Variants in TAF3 observed in about 807,000 individuals in gnomAD.
TAF3 encodes transcription initiation factor TFIID subunit 3.
Under a neutral mutation model 80.6 loss-of-function variants are expected in TAF3, and 7 were observed. The observed-to-expected ratio is 0.09, with a 90% CI of 0.05 to 0.16. The LOEUF (loss-of-function observed/expected upper bound fraction) is 0.16, where lower values mean the gene tolerates loss of function less well. Among genes scored for constraint, TAF3 ranks in the 10% least tolerant of loss-of-function variants. The pLI is 1.00. For synonymous variants in TAF3, 444 were observed against 446.1 expected (o/e 1.00, Z 0.06); for missense variants, 921 against 1,140.2 (o/e 0.81, Z 2.77).
intron 2 of TAF3, among the ~76,000 whole-genome samples, chr10:7,894,728 A>G (rs1007641867): frequency 5.9e-5 from 9 of 152,226 alleles, no homozygotes; most frequent in African/African-American, 1.9e-4. Context: ...AACTAATGGA[A>G]CTATTTTAGT....
chr10:7,911,067 C>T (rs1837652961), intron 2 of TAF3, among the ~76,000 whole-genome samples: 1 of 152,128 alleles, frequency 6.6e-6, no homozygotes, highest in African/African-American at 2.4e-5. Context: ...GGTATTTTGA[C>T]TTTAATTATA....
chr10:7,925,984 C>G (rs1324871981), intron 2 of TAF3, among the ~76,000 whole-genome samples: 1 of 152,078 alleles, frequency 6.6e-6, no homozygotes, highest in Non-Finnish European at 1.5e-5. Context: ...GAGGCCAAGG[C>G]CAAGGTGGGA....
chr10:7,826,456 T>G (rs543073612), intron 2 of TAF3, among the ~76,000 whole-genome samples: 2 of 145,134 alleles, frequency 1.4e-5, no homozygotes, highest in South Asian at 2.3e-4. Flanking sequence ...TTTGTTTTGT[T>G]TTGTGTTGTT....
Position 7,891,487 on chromosome 10 carries a change from T to C in TAF3, c.409+66927T>C, listed in dbSNP as rs1009904350. On this transcript the variant is annotated intron_variant, in intron 2 of 6. Transcript: ENST00000344293. ...TGGTCCAAACTAAGCAATAAATGTA[T>C]TGAAAGGCATGGTTAAGTCCTATGG... is the stretch of plus-strand genomic sequence containing the variant. 2.1e-4 allele frequency among the ~76,000 whole-genome samples: 32 copies of C among 152,246 alleles called. 1 individual carries two copies. Among genetic ancestry groups the C allele is most frequent in the Admixed American group, 2.0e-3 (30 of 15,282 alleles).
chr10:7,956,070 T>C (rs1290582077), intron 2 of TAF3, among the ~76,000 whole-genome samples: 2 of 152,200 alleles, frequency 1.3e-5, no homozygotes, highest in Admixed American at 1.3e-4. Context: ...TATAATTAGG[T>C]AATTATATTA....
intron 2 of TAF3, among the ~76,000 whole-genome samples, chr10:7,938,104 A>G (rs768325024): frequency 1.3e-5 from 2 of 152,240 alleles, no homozygotes; most frequent in African/African-American, 2.4e-5. Flanking sequence ...TTTCAACAAA[A>G]TAAAACTTAG....
At chr10:7,992,794 G>C (rs887820602) in intron 4 of TAF3, among the ~76,000 whole-genome samples, 1 of 152,072 alleles carries the variant, frequency 6.6e-6, no homozygotes, top group African/African-American at 2.4e-5. Context: ...AAACATAAAA[G>C]AGTAAAATGA....
At chr10:7,953,819 T>C (rs111491692) in intron 2 of TAF3, among the ~76,000 whole-genome samples, 1,668 of 152,248 alleles carry the variant, frequency 0.011, 20 homozygotes, top group Middle Eastern at 0.031. Flanking sequence ...GAGCTCTCCA[T>C]AGTGAGACTC....
At chr10:7,899,689 A>T (rs544735271) in intron 2 of TAF3, among the ~76,000 whole-genome samples, 2 of 152,356 alleles carry the variant, frequency 1.3e-5, no homozygotes, top group African/African-American at 4.8e-5. Flanking sequence ...CACAGTAAAC[A>T]TATTACTAAA....
chr10:8,015,560 T>G lies in TAF3; in HGVS notation c.*809T>G, dbSNP rs1832095892. 1 of 152,154 alleles carries G rather than the reference T, an allele frequency of 6.6e-6. No individual in the cohort carries two copies. Among genetic ancestry groups the G allele is most frequent in the Non-Finnish European group, 1.5e-5 (1 of 68,030 alleles). 9.4% of individuals were successfully genotyped at this position (152,154 alleles called of 1,614,324 possible). On this transcript the variant is annotated 3_prime_UTR_variant, in exon 7 of 7. Transcript: ENST00000344293. ...TATGAAGTAGTTATTTTTTAAATTTTTATCGTGTTTAATTCTGGCTTTCTC... is the reference window on the plus strand; with the variant it reads ...TATGAAGTAGTTATTTTTTAAATTTGTATCGTGTTTAATTCTGGCTTTCTC...
rs571432774 is a variant in TAF3 at position 8,014,925 on chromosome 10, C to T, written c.*174C>T. 186 of 535,222 alleles carry T rather than the reference C, an allele frequency of 3.5e-4. No individual in the cohort carries two copies. The highest frequency in any genetic ancestry group is 1.1e-4 in the Admixed American group (3 of 27,746). 33.2% of individuals were successfully genotyped at this position (535,222 alleles called of 1,614,324 possible). ...GCACCTGGATTGTTCACTCCCGAGC[C>T]GCCTTGGCCTGTGGCTCCGTGGCAG... On this transcript the variant is annotated 3_prime_UTR_variant, in exon 7 of 7. Coordinates refer to ENST00000344293, the MANE Select transcript of TAF3 (RefSeq NM_031923.4).
rs148673717 is a variant in TAF3, at chr10:7,900,669, T to C, written c.410-63251T>C. Reference sequence around the variant, plus strand: ...TCTTTTAATTACTATAGAAAAACTATTTTTATAAAAATTTTTATTTCTAAA... The same window carrying C: ...TCTTTTAATTACTATAGAAAAACTACTTTTATAAAAATTTTTATTTCTAAA... On this transcript the variant is annotated intron_variant, in intron 2 of 6. Coordinates refer to ENST00000344293, the MANE Select transcript of TAF3 (RefSeq NM_031923.4). Among the ~76,000 whole-genome samples the C allele has an allele frequency of 2.7e-3, 412 of 152,308 alleles. 5 individuals carry two copies. Among genetic ancestry groups the C allele is most frequent in the African/African-American group, 9.2e-3 (384 of 41,568 alleles).
intron 2 of TAF3, among the ~76,000 whole-genome samples, chr10:7,842,846 GGCAGGCCCACA>G (rs2131117072): frequency 6.6e-6 from 1 of 152,230 alleles, no homozygotes; most frequent in Non-Finnish European, 1.5e-5. Flanking sequence ...ATTTTCCAAG[GGCAGGCCCACA>G]TTTACAGTCT....
intron 4 of TAF3, 117 bp from the exon 5 acceptor site, chr10:8,008,961 G>T: frequency 7.2e-7 from 1 of 1,394,182 alleles, no homozygotes; most frequent in East Asian, 2.9e-5. Context: ...GCTGCCTCTA[G>T]ACGTTGAAGT....
chr10:7,886,917 T>TAG (rs1201062933), intron 2 of TAF3, among the ~76,000 whole-genome samples: 1 of 152,178 alleles, frequency 6.6e-6, no homozygotes, highest in East Asian at 1.9e-4. Flanking sequence ...TTTGAAATGT[T>TAG]ATCTTTTATA....
At chr10:7,948,115 C>T (rs1014483671) in intron 2 of TAF3, among the ~76,000 whole-genome samples, 3 of 150,774 alleles carry the variant, frequency 2.0e-5, no homozygotes, top group Non-Finnish European at 2.9e-5. Flanking sequence ...CCGGCTGGAA[C>T]GCAGTGGTAC....
intron 2 of TAF3, among the ~76,000 whole-genome samples, chr10:7,886,207 G>A (rs946806002): frequency 3.9e-5 from 6 of 152,156 alleles, no homozygotes; most frequent in African/African-American, 1.2e-4. Flanking sequence ...GGGTTTACAG[G>A]TGTAAGACAC....
At chr10:7,899,009 T>TTAATGTC (rs1837533387) in intron 2 of TAF3, among the ~76,000 whole-genome samples, 1 of 152,168 alleles carries the variant, frequency 6.6e-6, no homozygotes, top group Non-Finnish European at 1.5e-5. Context: ...TCAGTTCCCA[T>TTAATGTC]AGGTTTTTTC....
intron 2 of TAF3, among the ~76,000 whole-genome samples, chr10:7,895,251 C>T (rs1012615527): frequency 6.6e-6 from 1 of 152,202 alleles, no homozygotes; most frequent in Non-Finnish European, 1.5e-5. Context: ...CATTGGACAT[C>T]TGCCTAGAGC....
Sources: allele counts gnomAD v4.1 joint callset (sites outside exome capture counted in the v4.1 genomes callset), GRCh38; gene constraint gnomAD v4.1.1; transcripts MANE v1.5; gene names NCBI Gene and HGNC (gene_info 2026-07-23, HGNC 2026-07-21).